RAP1A: variants seen among roughly 807,000 people sequenced by gnomAD.
The protein encoded by RAP1A is ras-related protein Rap-1A.
Under a neutral mutation model 26.4 loss-of-function variants are expected in RAP1A, and 6 were observed. The observed-to-expected ratio is 0.23, with a 90% confidence interval of 0.12 to 0.45. The LOEUF (loss-of-function observed/expected upper bound fraction) is 0.45. Ranked by LOEUF, RAP1A falls within the 20% of genes least tolerant of loss-of-function variation. RAP1A has a pLI of 0.99. For synonymous variants in RAP1A, 73 were observed against 79.4 expected, an observed-to-expected ratio of 0.92 and a Z score of 0.43; for missense variants, 121 against 217.2, an observed-to-expected ratio of 0.56 and a Z score of 2.78.
intron 1 of RAP1A, among the ~76,000 whole-genome samples, chr1:111,591,532 T>G (rs956906073): frequency 6.6e-6 from 1 of 152,248 alleles, no homozygotes; most frequent in Non-Finnish European, 1.5e-5. Flanking sequence ...ATTATCTAAC[T>G]TTAGTTATAA....
intron 4 of RAP1A, among the ~76,000 whole-genome samples, chr1:111,698,297 C>A (rs1410475896): frequency 1.3e-5 from 2 of 152,048 alleles, no homozygotes; most frequent in Admixed American, 1.3e-4. Context: ...GCTTAAGAGA[C>A]GAGGTCTTGC....
chr1:111,698,570 GC>G (rs1226815073), intron 4 of RAP1A, among the ~76,000 whole-genome samples: 2 of 151,946 alleles, frequency 1.3e-5, no homozygotes, highest in African/African-American at 4.8e-5. Context: ...CACCTGGCTG[GC>G]ATTTTTAAAT....
intron 1 of RAP1A, 21 bp from the exon 2 acceptor site, chr1:111,691,313 A>G (rs1553226718): frequency 3.3e-6 from 5 of 1,531,144 alleles, no homozygotes; most frequent in Non-Finnish European, 4.5e-6. Flanking sequence ...TTAATCTTTG[A>G]TTTTTTTGTT....
intron 1 of RAP1A, among the ~76,000 whole-genome samples, chr1:111,652,144 T>G (rs1272516560): frequency 1.3e-5 from 2 of 152,102 alleles, no homozygotes; most frequent in Non-Finnish European, 2.9e-5. Flanking sequence ...CAGCTAATGT[T>G]TGTATTTTTA....
intron 1 of RAP1A, among the ~76,000 whole-genome samples, chr1:111,653,130 A>G (rs1660329301): frequency 1.3e-5 from 2 of 152,262 alleles, no homozygotes; most frequent in South Asian, 2.1e-4. Context: ...CCTTGGAAGC[A>G]TGCTAAGCAC....
At position 111,602,455 on chromosome 1, in the gene RAP1A, C is replaced by T. The variant is rs1246161699; in HGVS notation, c.-28+59946C>T. 2 of 152,174 alleles carry T rather than the reference C, an allele frequency of 1.3e-5. 1 individual carries two copies. The highest frequency in any genetic ancestry group is 1.3e-4 in the Admixed American group (2 of 15,284). 9.4% of individuals were successfully genotyped at this position (152,174 alleles called of 1,614,324 possible). On this transcript the variant is annotated intron_variant, in intron 1 of 7. Transcript: ENST00000356415. ...TATAGTGACCAATATAGAGTTGGCA[C>T]TCATTAAATGTCAGTTTCTCTTCCT...
intron 1 of RAP1A, among the ~76,000 whole-genome samples, chr1:111,594,619 A>G (rs1455176517): frequency 6.6e-6 from 1 of 151,956 alleles, no homozygotes; most frequent in Non-Finnish European, 1.5e-5. Context: ...GAGAGCGAGA[A>G]AAGAAAAAGA....
At chr1:111,592,217 G>A (rs1389181417) in intron 1 of RAP1A, among the ~76,000 whole-genome samples, 3 of 152,174 alleles carry the variant, frequency 2.0e-5, no homozygotes, top group African/African-American at 7.2e-5. Context: ...TATAATGCGA[G>A]CAGAAGCATC....
In RAP1A at chr1:111,716,565, A is replaced by C. The variant is rs1046563361; in HGVS notation, c.*4164A>C. On this transcript the variant is annotated 3_prime_UTR_variant, in exon 8 of 8. Coordinates refer to ENST00000369709, the MANE Select transcript of RAP1A (RefSeq NM_002884.4). ...TGATGTATGTTCGTTGGGCATGCTG[A>C]GAAGCGGCCTCCTGTGGTTCTGGGC... 3 of 152,192 alleles carry C rather than the reference A, an allele frequency of 2.0e-5. No individual in the cohort carries two copies. The highest frequency in any genetic ancestry group is 7.2e-5 in the African/African-American group (3 of 41,432). 9.4% of individuals were successfully genotyped at this position (152,192 alleles called of 1,614,324 possible).
At chr1:111,707,611 G>T (rs1223208673) in intron 6 of RAP1A, among the ~76,000 whole-genome samples, 1 of 152,166 alleles carries the variant, frequency 6.6e-6, no homozygotes, top group Admixed American at 6.5e-5. Context: ...AGTTGTCCCT[G>T]TAATGCTCCT....
chr1:111,692,311 T>C (rs930136559), intron 2 of RAP1A, among the ~76,000 whole-genome samples: 6 of 152,190 alleles, frequency 3.9e-5, no homozygotes, highest in African/African-American at 1.2e-4. Context: ...TCAAATTTTA[T>C]GTTTGTGACA....
chr1:111,575,980 T>C (rs920691494), intron 1 of RAP1A, among the ~76,000 whole-genome samples: 2 of 152,046 alleles, frequency 1.3e-5, no homozygotes, highest in African/African-American at 4.8e-5. Flanking sequence ...AGGGAATCAG[T>C]AGAATTATTT....
chr1:111,684,105 C>T (rs541710904), intron 1 of RAP1A, among the ~76,000 whole-genome samples: 46 of 152,248 alleles, frequency 3.0e-4, no homozygotes, highest in African/African-American at 1.0e-3. Context: ...TTGATAAAAT[C>T]CAACACCCCT....
intron 1 of RAP1A, among the ~76,000 whole-genome samples, chr1:111,576,584 C>T (rs1433543268): frequency 3.3e-5 from 5 of 152,186 alleles, no homozygotes. Flanking sequence ...TATTTAGTTC[C>T]TTACTTCCCT....
rs375728545 is a variant in RAP1A, at chr1:111,691,365, G to T, written c.5G>T (p.Arg2Leu). The T allele has an allele frequency of 6.2e-7, 1 of 1,613,256 alleles. No individual in the cohort carries two copies. The highest frequency in any genetic ancestry group is 8.5e-7 in the Non-Finnish European group (1 of 1,179,370). ...AGTATTTAAACAGATCACATCATGC[G>T]TGAGTACAAGCTAGTGGTCCTTGGT... is the stretch of plus-strand genomic sequence containing the variant. M[R>L]EYKLVVLGSG... Residue 2 changes from arginine to leucine, a missense_variant, in exon 2 of 8, where the codon CGT becomes CTT. Coordinates refer to ENST00000369709, the MANE Select transcript of RAP1A (RefSeq NM_002884.4).
At chr1:111,672,224 C>T (rs1356706946) in intron 1 of RAP1A, among the ~76,000 whole-genome samples, 2 of 152,034 alleles carry the variant, frequency 1.3e-5, no homozygotes, top group Non-Finnish European at 2.9e-5. Context: ...TCAAGTTTTG[C>T]TTTGTATGCT....
chr1:111,564,165 T>C (rs746260751), intron 1 of RAP1A, among the ~76,000 whole-genome samples: 1 of 152,208 alleles, frequency 6.6e-6, no homozygotes, highest in Non-Finnish European at 1.5e-5. Context: ...AATCTGGTCA[T>C]TGTGTGGCTT....
At chr1:111,639,481 T>A (rs981634623) in intron 1 of RAP1A, among the ~76,000 whole-genome samples, 3 of 151,598 alleles carry the variant, frequency 2.0e-5, no homozygotes, top group African/African-American at 7.3e-5. Context: ...TATTCTTTCT[T>A]TAAATGTAGC....
In RAP1A at chr1:111,712,542, G is replaced by T. The variant is rs1488054642; in HGVS notation, c.*141G>T. 6.6e-6 allele frequency: 1 copy of T among 152,450 alleles called. No individual in the cohort carries two copies. Among genetic ancestry groups the T allele is most frequent in the Non-Finnish European group, 1.5e-5 (1 of 67,912 alleles). 9.4% of individuals were successfully genotyped at this position (152,450 alleles called of 1,614,324 possible). ...TTTTATATATTATGTGAAGAATTTA[G>T]ATCTTATATTGGTTTGCACAAGTTC... On this transcript the variant is annotated 3_prime_UTR_variant, in exon 8 of 8. Transcript: ENST00000369709.
Sources: allele counts gnomAD v4.1 joint callset (sites outside exome capture counted in the v4.1 genomes callset), GRCh38; gene constraint gnomAD v4.1.1; transcripts MANE v1.5; gene names NCBI Gene and HGNC (gene_info 2026-07-23, HGNC 2026-07-21).